The following C12orf42 variants were observed in gnomAD, a reference collection of about 807,000 sequenced individuals.
C12orf42 encodes chromosome 12 open reading frame 42.
Under a neutral mutation model 21.6 loss-of-function variants are expected in C12orf42, and 25 were observed. The ratio of observed to expected loss-of-function variants is 1.16; its 90% CI spans 0.84 to 1.62. C12orf42 has a LOEUF of 1.62. Among genes scored for constraint, C12orf42 ranks in the 40% most tolerant of loss-of-function variants. The probability of loss-of-function intolerance (pLI) is 0.00; values close to 1 mark genes in which losing one functional copy is unlikely to be tolerated. For missense variants in C12orf42, 483 were observed against 459.3 expected (o/e 1.05, Z -0.47); for synonymous variants, 174 against 175.0 (o/e 0.99, Z 0.05).
chr12:103,405,034 A>G (rs1469648792), intron 2 of C12orf42, among the ~76,000 whole-genome samples: 7 of 152,190 alleles, frequency 4.6e-5, no homozygotes, highest in Non-Finnish European at 8.8e-5. Flanking sequence ...GTCACTGACG[A>G]TTTTGTAACA....
intron 2 of C12orf42, among the ~76,000 whole-genome samples, chr12:103,466,091 T>C (rs1042856423): frequency 2.0e-5 from 3 of 152,200 alleles, no homozygotes; most frequent in Non-Finnish European, 2.9e-5. Flanking sequence ...CAGCTTTTGG[T>C]ATCAGGATGA....
chr12:103,440,327 G>A (rs1459386217), intron 2 of C12orf42, among the ~76,000 whole-genome samples: 2 of 143,158 alleles, frequency 1.4e-5, no homozygotes, highest in East Asian at 4.1e-4. Flanking sequence ...GTTAGTGGGT[G>A]CAGCACACCA....
chr12:103,383,256 C>A (rs976602710), intron 3 of C12orf42, among the ~76,000 whole-genome samples: 2 of 152,122 alleles, frequency 1.3e-5, no homozygotes, highest in East Asian at 3.9e-4. Flanking sequence ...TGCCTGCCAC[C>A]ATGCTTGGCT....
the C12orf42 span, among the ~76,000 whole-genome samples, chr12:103,070,101 T>C: frequency 6.6e-6 from 1 of 152,202 alleles, no homozygotes; most frequent in African/African-American, 2.4e-5. Flanking sequence ...AAAAATTCTA[T>C]ACTGCTTCTC....
At chr12:103,139,981 G>T in the C12orf42 span, among the ~76,000 whole-genome samples, 1 of 152,062 alleles carries the variant, frequency 6.6e-6, no homozygotes, top group Non-Finnish European at 1.5e-5. Context: ...TTGCTCTGTA[G>T]GTCTCTCCTT....
the C12orf42 span, among the ~76,000 whole-genome samples, chr12:103,115,920 T>C: frequency 6.6e-6 from 1 of 152,212 alleles, no homozygotes; most frequent in Non-Finnish European, 1.5e-5. Flanking sequence ...TGCTTTGGAC[T>C]TGGCGTTTGG....
intron 2 of C12orf42, among the ~76,000 whole-genome samples, chr12:103,450,700 A>G (rs1333141301): frequency 1.3e-5 from 2 of 152,074 alleles, no homozygotes; most frequent in African/African-American, 4.8e-5. Flanking sequence ...GCTGTTCTTC[A>G]TGGTTTTTTG....
At chr12:103,492,406 T>A (rs899169170) in intron 1 of C12orf42, among the ~76,000 whole-genome samples, 2 of 152,240 alleles carry the variant, frequency 1.3e-5, no homozygotes, top group Admixed American at 6.5e-5. Flanking sequence ...ACTTCACAGG[T>A]CTTCGTCCTA....
At chr12:103,322,125 GCACACACACACACA>G (rs34616179) in intron 4 of C12orf42, among the ~76,000 whole-genome samples, 1 of 90,564 alleles carries the variant, frequency 1.1e-5, no homozygotes, top group African/African-American at 4.6e-5. Context: ...GCGCGCGCGC[GCACACACACACACA>G]CACACACACA....
At chr12:103,072,314 T>C in the C12orf42 span, among the ~76,000 whole-genome samples, 1 of 152,148 alleles carries the variant, frequency 6.6e-6, no homozygotes, top group South Asian at 2.1e-4. Flanking sequence ...ATGTTCAAAA[T>C]GTCTATATTG....
intron 5 of C12orf42, among the ~76,000 whole-genome samples, chr12:103,275,906 A>G (rs1399367826): frequency 6.6e-6 from 1 of 152,126 alleles, no homozygotes; most frequent in African/African-American, 2.4e-5. Context: ...CATTGTCTCT[A>G]CTAACAATAA....
chr12:103,284,580 C>T (rs1471920310), intron 4 of C12orf42, among the ~76,000 whole-genome samples: 2 of 152,134 alleles, frequency 1.3e-5, no homozygotes, highest in African/African-American at 2.4e-5. Flanking sequence ...GAATATTTTA[C>T]CCAAGGTTAT....
the C12orf42 span, among the ~76,000 whole-genome samples, chr12:103,208,274 C>T: frequency 6.6e-6 from 1 of 152,188 alleles, no homozygotes; most frequent in Non-Finnish European, 1.5e-5. Context: ...AGCTAACACA[C>T]TAATACCAAG....
At chr12:103,430,335 C>T (rs1362914165) in intron 2 of C12orf42, among the ~76,000 whole-genome samples, 2 of 152,136 alleles carry the variant, frequency 1.3e-5, no homozygotes, top group East Asian at 3.9e-4. Flanking sequence ...AAGAAGACAT[C>T]TATGCGGCCA....
chr12:103,413,220 C>T (rs562268698), intron 2 of C12orf42, among the ~76,000 whole-genome samples: 5 of 152,128 alleles, frequency 3.3e-5, no homozygotes, highest in Non-Finnish European at 7.4e-5. Flanking sequence ...GTCCTTTCCC[C>T]ATTGCTTCTT....
chr12:103,230,551 TA>T, the C12orf42 span, among the ~76,000 whole-genome samples: 1 of 152,186 alleles, frequency 6.6e-6, no homozygotes, highest in Non-Finnish European at 1.5e-5. Flanking sequence ...ACAAGAATCA[TA>T]AGGACTATTT....
chr12:103,085,012 A>G, the C12orf42 span, among the ~76,000 whole-genome samples: 1 of 152,190 alleles, frequency 6.6e-6, no homozygotes, highest in Non-Finnish European at 1.5e-5. Context: ...GAACTGGGTA[A>G]GACAATGTTG....
At chr12:103,267,167 A>G (rs1268032816), downstream of C12orf42, among the ~76,000 whole-genome samples, 2 of 152,132 alleles carry the variant, frequency 1.3e-5, no homozygotes, top group East Asian at 3.8e-4. Context: ...ATAAAAGGCC[A>G]TCAATTCCAG....
At chr12:103,263,829 A>G (rs1481799438), downstream of C12orf42, among the ~76,000 whole-genome samples, 1 of 152,134 alleles carries the variant, frequency 6.6e-6, no homozygotes. Flanking sequence ...AATATCCTAC[A>G]TCATCAACCA....
Sources: gnomAD v4.1 joint callset for allele counts (sites outside exome capture counted in the v4.1 genomes callset) on GRCh38, gnomAD v4.1.1 for gene constraint, MANE v1.5 for transcripts, NCBI Gene and HGNC (gene_info 2026-07-23, HGNC 2026-07-21) for gene names.